HTR2C: variants seen among roughly 807,000 people sequenced by gnomAD.
HTR2C encodes 5-hydroxytryptamine receptor 2C, also known as 5-hydroxytryptamine (serotonin) receptor 2C, G protein-coupled.
Under a neutral mutation model 21.0 loss-of-function variants are expected in HTR2C, and 5 were observed. That is an observed-to-expected ratio of 0.24 (90% confidence interval 0.12 to 0.50). The LOEUF (loss-of-function observed/expected upper bound fraction) is 0.50, where lower values mean the gene tolerates loss of function less well. Among genes scored for constraint, HTR2C ranks in the 20% least tolerant of loss-of-function variants. The probability of loss-of-function intolerance (pLI) is 0.98; values close to 1 mark genes in which losing one functional copy is unlikely to be tolerated. For missense variants in HTR2C, 271 were observed against 371.2 expected (o/e 0.73, Z 2.22); for synonymous variants, 150 against 145.3 (o/e 1.03, Z -0.23).
intron 4 of HTR2C, among the ~76,000 whole-genome samples, chrX:114,758,142 C>T (rs1237958970): frequency 8.9e-6 from 1 of 111,803 alleles, no homozygotes; most frequent in African/African-American, 3.3e-5. Context: ...TGAATATTAT[C>T]ACATTTATTT....
chrX:114,793,590 T>A (rs1446468197), intron 4 of HTR2C, among the ~76,000 whole-genome samples: 1 of 111,891 alleles, frequency 8.9e-6, no homozygotes, highest in Non-Finnish European at 1.9e-5. Flanking sequence ...GAGATTATTA[T>A]GGATTTTCAT....
chrX:114,632,176 A>G (rs1929655909), intron 2 of HTR2C, among the ~76,000 whole-genome samples: 1 of 112,401 alleles, frequency 8.9e-6, no homozygotes, highest in East Asian at 2.8e-4. Flanking sequence ...AAAATACAGG[A>G]TGAAAACTCA....
chrX:114,585,918 G>T (rs1447947464), intron 1 of HTR2C, among the ~76,000 whole-genome samples: 3 of 110,120 alleles, frequency 2.7e-5, no homozygotes, highest in Non-Finnish European at 3.8e-5. Context: ...ATGATTTGGG[G>T]GGCGGGGGGT....
intron 2 of HTR2C, among the ~76,000 whole-genome samples, chrX:114,713,719 A>G (rs1556419436): frequency 9.0e-6 from 1 of 111,650 alleles, no homozygotes; most frequent in East Asian, 2.8e-4. Flanking sequence ...GTGAAGGAAA[A>G]TATTCAAACA....
intron 4 of HTR2C, among the ~76,000 whole-genome samples, chrX:114,842,111 C>T (rs2070839375): frequency 8.9e-6 from 1 of 112,058 alleles, no homozygotes; most frequent in African/African-American, 3.2e-5. Context: ...AAATTTAAAA[C>T]AAACAAGGTA....
chrX:114,818,496 T>A (rs1348098020), intron 4 of HTR2C, among the ~76,000 whole-genome samples: 1 of 112,160 alleles, frequency 8.9e-6, no homozygotes, highest in African/African-American at 3.2e-5. Flanking sequence ...GTGCCTGGAT[T>A]ATTTTTTCAA....
intron 2 of HTR2C, among the ~76,000 whole-genome samples, chrX:114,690,981 C>T (rs782416152): frequency 1.2e-4 from 13 of 110,936 alleles, no homozygotes; most frequent in Non-Finnish European, 2.1e-4. Context: ...TTTAGCATCA[C>T]AATCATATTG....
At chrX:114,759,226 C>A (rs1191493685) in intron 4 of HTR2C, among the ~76,000 whole-genome samples, 3 of 111,368 alleles carry the variant, frequency 2.7e-5, no homozygotes, top group Non-Finnish European at 5.6e-5. Context: ...TGATTCCTAT[C>A]TTTTCCTCTC....
intron 5 of HTR2C, among the ~76,000 whole-genome samples, chrX:114,874,043 G>A (rs1301387786): frequency 9.2e-6 from 1 of 108,670 alleles, no homozygotes; most frequent in African/African-American, 3.3e-5. Context: ...TTTTTCCTAT[G>A]TCTGACCTAT....
At chrX:114,812,737 C>G (rs868951301) in intron 4 of HTR2C, among the ~76,000 whole-genome samples, 3 of 37,644 alleles carry the variant, frequency 8.0e-5, no homozygotes, top group Admixed American at 5.1e-4. Flanking sequence ...CCAAAAGAAA[C>G]AAACAAACAA....
intron 4 of HTR2C, among the ~76,000 whole-genome samples, chrX:114,835,720 T>G (rs2070775032): frequency 8.9e-6 from 1 of 112,474 alleles, no homozygotes; most frequent in Non-Finnish European, 1.9e-5. Flanking sequence ...AAAGTCATTC[T>G]CTATCCAGCT....
intron 2 of HTR2C, among the ~76,000 whole-genome samples, chrX:114,635,090 A>G (rs1445196155): frequency 9.0e-6 from 1 of 111,431 alleles, no homozygotes; most frequent in East Asian, 2.8e-4. Context: ...AAAGTGTCCA[A>G]TCTGGATGCT....
chrX:114,806,335 T>TACACCATATATATAC (rs2070433750), intron 4 of HTR2C, among the ~76,000 whole-genome samples: 1 of 92,980 alleles, frequency 1.1e-5, no homozygotes, highest in Non-Finnish European at 2.1e-5. Context: ...ACCATATATA[T>TACACCATATATATAC]ACACCATATA....
Position 114,666,602 on chromosome X carries a change from GC to G in HTR2C, c.-80+52722del, listed in dbSNP as rs1931187948. Among the ~76,000 whole-genome samples, 5 of 111,080 alleles carry G rather than the reference GC, an allele frequency of 4.5e-5. No homozygotes were observed. In the Admixed American group the frequency reaches 4.8e-4, roughly 11 times the overall value. ...ACATTGAGAAGATTCAAGATAATGAGCTTTGTGTTTGGTTATTTATGTAAGT... is the reference window on the plus strand; with the variant it reads ...ACATTGAGAAGATTCAAGATAATGAGTTTGTGTTTGGTTATTTATGTAAGT... On this transcript the variant is annotated intron_variant, in intron 2 of 5. Transcript: ENST00000276198.
At chrX:114,834,151 G>T (rs1284254854) in intron 4 of HTR2C, among the ~76,000 whole-genome samples, 1 of 109,806 alleles carries the variant, frequency 9.1e-6, no homozygotes, top group Non-Finnish European at 1.9e-5. Flanking sequence ...TAGGTGTGGT[G>T]TGGTGCTGAA....
chrX:114,723,288 C>A (rs1270030465), intron 2 of HTR2C, among the ~76,000 whole-genome samples: 10 of 111,434 alleles, frequency 9.0e-5, no homozygotes, highest in African/African-American at 3.3e-4. Flanking sequence ...TCTAGATTTT[C>A]TAGTTTATTT....
intron 2 of HTR2C, among the ~76,000 whole-genome samples, chrX:114,705,635 C>G (rs1161602010): frequency 2.2e-4 from 22 of 98,006 alleles, no homozygotes; most frequent in Non-Finnish European, 4.1e-5. Context: ...TACCATTCAG[C>G]ACATAGGCAT....
chrX:114,742,727 ATT>A (rs1199987469), intron 4 of HTR2C, among the ~76,000 whole-genome samples: 67 of 71,333 alleles, frequency 9.4e-4, no homozygotes, highest in African/African-American at 3.4e-3. Context: ...TTTTTTTTTA[ATT>A]TTTTTTTTTT....
chrX:114,837,094 G>A (rs1042573777), intron 4 of HTR2C, among the ~76,000 whole-genome samples: 3 of 111,656 alleles, frequency 2.7e-5, no homozygotes, highest in Admixed American at 9.5e-5. Context: ...CTTGAACTAC[G>A]TTGAGTTATA....
Sources: gnomAD v4.1 joint callset for allele counts (sites outside exome capture counted in the v4.1 genomes callset) on GRCh38, gnomAD v4.1.1 for gene constraint, MANE v1.5 for transcripts, NCBI Gene and HGNC (gene_info 2026-07-23, HGNC 2026-07-21) for gene names.